Variants in NELL1 observed in about 807,000 individuals in gnomAD.
NELL1 encodes neural EGFL like 1, also known as protein kinase C-binding protein NELL1.
In NELL1, 76 loss-of-function variants were observed where a neutral mutation model predicts 107.4. The ratio of observed to expected loss-of-function variants is 0.71; its 90% CI spans 0.59 to 0.86. The LOEUF (loss-of-function observed/expected upper bound fraction) is 0.86, where lower values mean the gene tolerates loss of function less well. Ranked by LOEUF, NELL1 falls within the 40% of genes least tolerant of loss-of-function variation. The pLI, the probability that NELL1 is intolerant of heterozygous loss-of-function variation, is 0.00. For synonymous variants in NELL1, 353 were observed against 341.2 expected (o/e 1.03, Z -0.38); for missense variants, 1,024 against 1,005.5 (o/e 1.02, Z -0.25).
chr11:20,817,434 C>T (rs1857647451), intron 3 of NELL1, among the ~76,000 whole-genome samples: 1 of 152,110 alleles, frequency 6.6e-6, no homozygotes, highest in African/African-American at 2.4e-5. Context: ...TAAAGGTGTT[C>T]ATAATAGTCT....
intron 15 of NELL1, among the ~76,000 whole-genome samples, chr11:21,464,402 C>CA (rs60770584): frequency 0.32 from 43,431 of 135,676 alleles, 7,188 homozygotes; most frequent in South Asian, 0.42. Flanking sequence ...ATGTCCGTGG[C>CA]AAAAAAAAAA....
intron 14 of NELL1, among the ~76,000 whole-genome samples, chr11:21,349,191 G>T (rs911390609): frequency 6.6e-6 from 1 of 152,164 alleles, no homozygotes; most frequent in African/African-American, 2.4e-5. Context: ...TTGCTTTTAA[G>T]GCAACTGGTA....
intron 15 of NELL1, among the ~76,000 whole-genome samples, chr11:21,456,504 G>C (rs1432255183): frequency 6.6e-6 from 1 of 151,876 alleles, no homozygotes; most frequent in East Asian, 1.9e-4. Flanking sequence ...TAAATTGTTG[G>C]GGATTTTATT....
intron 12 of NELL1, among the ~76,000 whole-genome samples, chr11:21,024,506 C>T (rs1282620869): frequency 6.6e-6 from 1 of 152,056 alleles, no homozygotes; most frequent in Non-Finnish European, 1.5e-5. Context: ...GTTCAAACTT[C>T]TTCTATCAAG....
At chr11:20,885,077 T>C (rs1319499844) in intron 4 of NELL1, among the ~76,000 whole-genome samples, 1 of 152,222 alleles carries the variant, frequency 6.6e-6, no homozygotes, top group East Asian at 1.9e-4. Flanking sequence ...CCAACTCTAC[T>C]ACTCACTGCT....
intron 14 of NELL1, among the ~76,000 whole-genome samples, chr11:21,263,361 G>T (rs186809104): frequency 1.5e-3 from 231 of 152,036 alleles, no homozygotes; most frequent in Non-Finnish European, 2.7e-3. Context: ...GTGGGGTAAC[G>T]GCGAGCCATT....
intron 9 of NELL1, among the ~76,000 whole-genome samples, chr11:20,929,466 C>T (rs144245165): frequency 2.6e-5 from 4 of 151,340 alleles, no homozygotes; most frequent in Non-Finnish European, 4.4e-5. Flanking sequence ...TGGCACACTG[C>T]ACCCATTGCT....
At position 21,205,775 on chromosome 11, in the gene NELL1, T is replaced by C. The variant is rs148705168; in HGVS notation, c.1427-23557T>C. Among the ~76,000 whole-genome samples the C allele has an allele frequency of 2.0e-5, 3 of 152,320 alleles. No individual in the cohort carries two copies. The East Asian group carries it at 5.8e-4, about 29-fold the overall frequency. On this transcript the variant is annotated intron_variant, in intron 13 of 19. Transcript: ENST00000357134. ...GATGGTTGTCTCTGTGCTTTAAATATGGGGAAATGGGGGCTCAGATGTGAG... is the reference window on the plus strand; with the variant it reads ...GATGGTTGTCTCTGTGCTTTAAATACGGGGAAATGGGGGCTCAGATGTGAG...
chr11:21,042,110 T>A (rs968439359), intron 12 of NELL1, among the ~76,000 whole-genome samples: 2 of 152,242 alleles, frequency 1.3e-5, no homozygotes, highest in African/African-American at 4.8e-5. Context: ...CTTTTACGTT[T>A]TTTCTCATTT....
intron 15 of NELL1, among the ~76,000 whole-genome samples, chr11:21,491,279 A>G (rs965239020): frequency 3.1e-4 from 47 of 152,234 alleles, no homozygotes; most frequent in African/African-American, 1.1e-3. Flanking sequence ...GCCCATGCCT[A>G]TGTCCTGAAT....
At chr11:20,794,562 A>C (rs1345733300) in intron 3 of NELL1, among the ~76,000 whole-genome samples, 1 of 152,168 alleles carries the variant, frequency 6.6e-6, no homozygotes, top group African/African-American at 2.4e-5. Context: ...AGGTTTTGGC[A>C]TCTGGAGGCT....
intron 4 of NELL1, 35 bp downstream of exon 4, chr11:20,847,788 C>T: frequency 6.4e-7 from 1 of 1,564,216 alleles, no homozygotes; most frequent in African/African-American, 1.4e-5. Flanking sequence ...CTGATTCTGC[C>T]CTTGAAATCA....
In NELL1 at chr11:21,351,714, G is replaced by A. The variant is rs183901612; in HGVS notation, c.1550-19139G>A. On this transcript the variant is annotated intron_variant, in intron 14 of 19. Coordinates refer to ENST00000357134, the MANE Select transcript of NELL1 (RefSeq NM_006157.5). ...TCCACTTCCATCACACTGATTGAGGGGACCATAAATTTCTCTCCTGAATTA... is the reference window on the plus strand; with the variant it reads ...TCCACTTCCATCACACTGATTGAGGAGACCATAAATTTCTCTCCTGAATTA... Among the ~76,000 whole-genome samples, 9 of 151,954 alleles carry A rather than the reference G, an allele frequency of 5.9e-5. No individual in the cohort carries two copies. In the East Asian group the frequency reaches 1.2e-3, roughly 20 times the overall value.
intron 13 of NELL1, among the ~76,000 whole-genome samples, chr11:21,155,118 T>A (rs1034209813): frequency 6.6e-6 from 1 of 152,110 alleles, no homozygotes; most frequent in African/African-American, 2.4e-5. Context: ...ATTGTTGGAT[T>A]TGGGAGCATA....
At chr11:21,239,354 C>T (rs970954688) in intron 14 of NELL1, among the ~76,000 whole-genome samples, 1 of 152,004 alleles carries the variant, frequency 6.6e-6, no homozygotes, top group Non-Finnish European at 1.5e-5. Context: ...GATGGATCGT[C>T]TCACTATTTG....
chr11:20,961,872 C>G (rs1851298281), intron 12 of NELL1, among the ~76,000 whole-genome samples: 1 of 152,066 alleles, frequency 6.6e-6, no homozygotes, highest in African/African-American at 2.4e-5. Context: ...TTGTTAATCC[C>G]TGCTTAACTT....
chr11:21,546,792 A>G (rs1856454095), intron 16 of NELL1, among the ~76,000 whole-genome samples: 1 of 151,964 alleles, frequency 6.6e-6, no homozygotes, highest in East Asian at 1.9e-4. Flanking sequence ...ATTTCTTTGA[A>G]ATGAATATTG....
intron 12 of NELL1, among the ~76,000 whole-genome samples, chr11:20,997,726 C>T (rs949621994): frequency 6.6e-6 from 1 of 152,182 alleles, no homozygotes; most frequent in South Asian, 2.1e-4. Flanking sequence ...CGGTGGCTTA[C>T]GCCTGTAATC....
chr11:20,811,793 G>T (rs1857506932), intron 3 of NELL1, among the ~76,000 whole-genome samples: 1 of 152,008 alleles, frequency 6.6e-6, no homozygotes, highest in South Asian at 2.1e-4. Context: ...TATAGCCTGA[G>T]ACCTTATCAA....
Sources: gnomAD v4.1 joint callset for allele counts (sites outside exome capture counted in the v4.1 genomes callset) on GRCh38, gnomAD v4.1.1 for gene constraint, MANE v1.5 for transcripts, NCBI Gene and HGNC (gene_info 2026-07-23, HGNC 2026-07-21) for gene names.